The following CPQ variants were observed in gnomAD, a reference collection of about 807,000 sequenced individuals.
The protein encoded by CPQ is Ser-Met dipeptidase.
CPQ carries 37 observed loss-of-function variants against 45.7 expected under a neutral mutation model. The ratio of observed to expected loss-of-function variants is 0.81; its 90% CI spans 0.62 to 1.07. The LOEUF is 1.07. Ranked by LOEUF, CPQ falls within the 50% of genes least tolerant of loss-of-function variation. CPQ has a pLI of 0.00. For synonymous variants in CPQ, 186 were observed against 205.8 expected (o/e 0.90, Z 0.82); for missense variants, 537 against 572.9 (o/e 0.94, Z 0.64).
At chr8:97,039,578 A>C (rs1586508157) in intron 6 of CPQ, among the ~76,000 whole-genome samples, 1 of 151,610 alleles carries the variant, frequency 6.6e-6, no homozygotes, top group Non-Finnish European at 1.5e-5. Context: ...GGTGTGCTGC[A>C]CCCATTAACT....
intron 1 of CPQ, among the ~76,000 whole-genome samples, chr8:96,744,507 T>G (rs1419057655): frequency 6.6e-6 from 1 of 152,202 alleles, no homozygotes; most frequent in African/African-American, 2.4e-5. Flanking sequence ...CTCCTCCTAG[T>G]TATTCCATAT....
intron 1 of CPQ, among the ~76,000 whole-genome samples, chr8:96,679,386 T>G (rs1019102194): frequency 9.2e-5 from 14 of 152,084 alleles, no homozygotes; most frequent in African/African-American, 3.4e-4. Context: ...TTCTTTTTAT[T>G]TTTTAGTGTG....
intron 4 of CPQ, among the ~76,000 whole-genome samples, chr8:96,880,551 A>G (rs1290478924): frequency 6.1e-5 from 2 of 32,818 alleles, no homozygotes; most frequent in African/African-American, 1.8e-4. Context: ...ATATATATAT[A>G]TATATATATA....
chr8:96,913,635 G>C (rs1171773485), intron 4 of CPQ, among the ~76,000 whole-genome samples: 2 of 152,188 alleles, frequency 1.3e-5, no homozygotes, highest in Non-Finnish European at 2.9e-5. Context: ...TCAGGATGGA[G>C]AGTAAATTCT....
chr8:97,096,943 T>C (rs73268762), intron 7 of CPQ, among the ~76,000 whole-genome samples: 2,715 of 152,302 alleles, frequency 0.018, 70 homozygotes, highest in African/African-American at 0.061. Flanking sequence ...CTGTGTGCAA[T>C]GTGTTGAGTC....
intron 5 of CPQ, among the ~76,000 whole-genome samples, chr8:96,992,576 C>T (rs1586484154): frequency 6.6e-6 from 1 of 152,092 alleles, no homozygotes; most frequent in Non-Finnish European, 1.5e-5. Context: ...GATAAGGTGT[C>T]TCTCCTTATT....
intron 5 of CPQ, among the ~76,000 whole-genome samples, chr8:97,017,418 G>T (rs544023492): frequency 1.1e-4 from 16 of 152,302 alleles, no homozygotes; most frequent in African/African-American, 3.8e-4. Context: ...GCCAGAACTG[G>T]GGGGAGGGCA....
chr8:96,805,586 A>AT (rs1012096661), intron 2 of CPQ, among the ~76,000 whole-genome samples: 2 of 151,894 alleles, frequency 1.3e-5, no homozygotes, highest in Non-Finnish European at 2.9e-5. Flanking sequence ...CAGTTATTTC[A>AT]TTTTTTTCAT....
intron 4 of CPQ, among the ~76,000 whole-genome samples, chr8:96,913,112 G>T (rs1240701269): frequency 6.6e-6 from 1 of 152,158 alleles, no homozygotes; most frequent in Non-Finnish European, 1.5e-5. Flanking sequence ...TAGGGGGAAA[G>T]GTCCCATGAC....
intron 7 of CPQ, among the ~76,000 whole-genome samples, chr8:97,084,552 T>C (rs1293528496): frequency 6.6e-6 from 1 of 152,200 alleles, no homozygotes; most frequent in Non-Finnish European, 1.5e-5. Flanking sequence ...AGAAAGCATG[T>C]GCTAAGTGGA....
At chr8:96,762,240 A>C (rs1810414554) in intron 1 of CPQ, among the ~76,000 whole-genome samples, 1 of 152,182 alleles carries the variant, frequency 6.6e-6, no homozygotes, top group African/African-American at 2.4e-5. Context: ...TGTTTGAATG[A>C]AGGCACTGTG....
chr8:96,863,883 T>C (rs1469939474), intron 3 of CPQ, among the ~76,000 whole-genome samples: 1 of 152,082 alleles, frequency 6.6e-6, no homozygotes, highest in Non-Finnish European at 1.5e-5. Context: ...ACTGTATAAG[T>C]GACAGACTGT....
At chr8:96,999,007 AT>A (rs1809223641) in intron 5 of CPQ, among the ~76,000 whole-genome samples, 1 of 151,900 alleles carries the variant, frequency 6.6e-6, no homozygotes, top group Non-Finnish European at 1.5e-5. Flanking sequence ...TCTACTAGAC[AT>A]TTTTACAAGA....
intron 3 of CPQ, among the ~76,000 whole-genome samples, chr8:96,876,214 A>T (rs1246312244): frequency 6.6e-6 from 1 of 151,852 alleles, no homozygotes; most frequent in East Asian, 1.9e-4. Flanking sequence ...TTGTGTGTGT[A>T]TGTGTGTTCC....
chr8:96,890,548 G>A (rs951874790), intron 4 of CPQ, among the ~76,000 whole-genome samples: 1 of 152,134 alleles, frequency 6.6e-6, no homozygotes, highest in African/African-American at 2.4e-5. Context: ...GATGCCGTAA[G>A]GATCTCCTGT....
intron 4 of CPQ, among the ~76,000 whole-genome samples, chr8:96,913,981 A>T (rs1037492905): frequency 6.6e-6 from 1 of 152,188 alleles, no homozygotes; most frequent in African/African-American, 2.4e-5. Context: ...AAGCTTCTCT[A>T]CTTAATTGTG....
chr8:97,135,443 G>A lies in CPQ; in HGVS notation c.1256-7577G>A, dbSNP rs547359413. Among the ~76,000 whole-genome samples the A allele has an allele frequency of 2.0e-3, 300 of 152,230 alleles. 2 individuals carry two copies. The highest frequency in any genetic ancestry group is 5.6e-3 in the Admixed American group (86 of 15,282). ...AGGGATTAAACTGCCCCCTTGAAAA[G>A]AGAGATTAAGTGTCTGCAAATCCCA... On this transcript the variant is annotated intron_variant, in intron 7 of 7. Transcript: ENST00000220763.
chr8:96,647,831 GA>G (rs751812842), intron 1 of CPQ, among the ~76,000 whole-genome samples: 10 of 152,278 alleles, frequency 6.6e-5, no homozygotes, highest in Non-Finnish European at 1.3e-4. Context: ...AATGTGTTCA[GA>G]CTTACCAATT....
intron 2 of CPQ, among the ~76,000 whole-genome samples, chr8:96,804,762 A>G (rs1282315116): frequency 1.3e-5 from 2 of 152,000 alleles, no homozygotes; most frequent in Non-Finnish European, 2.9e-5. Flanking sequence ...TTCAAAGGAC[A>G]TTAAAGCAAA....
Sources: allele counts gnomAD v4.1 joint callset (sites outside exome capture counted in the v4.1 genomes callset), GRCh38; gene constraint gnomAD v4.1.1; transcripts MANE v1.5; gene names NCBI Gene and HGNC (gene_info 2026-07-23, HGNC 2026-07-21).